The following CDYL2 variants were observed in gnomAD, a reference collection of about 807,000 sequenced individuals.
The protein encoded by CDYL2 is chromodomain Y like 2, also known as chromodomain Y-like protein 2.
A neutral mutation model predicts 49.4 loss-of-function variants in CDYL2; 23 were observed. The observed-to-expected ratio is 0.47, with a 90% CI of 0.34 to 0.66. CDYL2 has a LOEUF of 0.66. Among genes scored for constraint, CDYL2 ranks in the 30% least tolerant of loss-of-function variants. The pLI is 0.01. For missense variants in CDYL2, 678 were observed against 656.4 expected (o/e 1.03, Z -0.36); for synonymous variants, 360 against 268.8 (o/e 1.34, Z -3.32).
intron 1 of CDYL2, among the ~76,000 whole-genome samples, chr16:80,689,122 C>T (rs996858558): frequency 2.0e-5 from 3 of 152,170 alleles, no homozygotes; most frequent in African/African-American, 7.2e-5. Flanking sequence ...GTGTACACAC[C>T]CCCACCAGCT....
In CDYL2 at chr16:80,672,352, C is replaced by CACACAGAGAGAGAG. The variant is rs68130206; in HGVS notation, c.616+12185_616+12186insCTCTCTCTCTGTGT. On this transcript the variant is annotated intron_variant, in intron 2 of 6. Coordinates refer to ENST00000570137, the MANE Select transcript of CDYL2 (RefSeq NM_152342.4). Reference sequence around the variant, plus strand: ...ACACACACACACACACACACACACACAGAGAGAGAGAGAGAGATGAGTAGA... The same window carrying CACACAGAGAGAGAG: ...ACACACACACACACACACACACACACACACAGAGAGAGAGAGAGAGAGAGAGAGAGATGAGTAGA... Among the ~76,000 whole-genome samples the CACACAGAGAGAGAG allele has an allele frequency of 2.4e-3, 281 of 117,818 alleles. 1 individual carries two copies. The highest frequency in any genetic ancestry group is 0.013 in the Middle Eastern group (3 of 238). The allele number at this position is 117,818 out of a possible 152,430, so 77.3% of individuals were successfully genotyped here.
chr16:80,615,318 T>C (rs953300134), intron 4 of CDYL2, among the ~76,000 whole-genome samples: 5 of 152,172 alleles, frequency 3.3e-5, no homozygotes, highest in Admixed American at 3.3e-4. Flanking sequence ...GATATGGACT[T>C]TTTTGGAGAA....
At chr16:80,707,762 C>A (rs1404390469) in intron 1 of CDYL2, among the ~76,000 whole-genome samples, 1 of 152,140 alleles carries the variant, frequency 6.6e-6, no homozygotes, top group Non-Finnish European at 1.5e-5. Flanking sequence ...GAGAGGCAGC[C>A]TCATAAGTGA....
chr16:80,771,567 T>A (rs1437478707), intron 1 of CDYL2, among the ~76,000 whole-genome samples: 1 of 152,080 alleles, frequency 6.6e-6, no homozygotes, highest in African/African-American at 2.4e-5. Context: ...TAGCCAGGTG[T>A]GGTGGTGCGC....
intron 2 of CDYL2, among the ~76,000 whole-genome samples, chr16:80,671,775 C>T (rs1419640618): frequency 2.0e-5 from 3 of 152,180 alleles, no homozygotes; most frequent in Admixed American, 6.5e-5. Context: ...GAAAATTATG[C>T]CTCACTGGTT....
chr16:80,747,880 T>C (rs1905986975), intron 1 of CDYL2, among the ~76,000 whole-genome samples: 1 of 152,098 alleles, frequency 6.6e-6, no homozygotes, highest in Non-Finnish European at 1.5e-5. Flanking sequence ...TGGAAGCCCT[T>C]ATTCACATCT....
At position 80,660,008 on chromosome 16, in the gene CDYL2, G is replaced by C. The variant is rs527838730; in HGVS notation, c.616+24530C>G. Among the ~76,000 whole-genome samples, 7 of 152,018 alleles carry C rather than the reference G, an allele frequency of 4.6e-5. No homozygotes were observed. The East Asian group carries it at 1.2e-3, about 25-fold the overall frequency. On this transcript the variant is annotated intron_variant, in intron 2 of 6. Coordinates refer to ENST00000570137, the MANE Select transcript of CDYL2 (RefSeq NM_152342.4). ...AAAAAGGAATGGCAGACTGAAAACA[G>C]CAATAACAGAGGCTTGAAAAAATGA... is the stretch of plus-strand genomic sequence containing the variant.
chr16:80,708,795 T>G (rs1163513258), intron 1 of CDYL2, among the ~76,000 whole-genome samples: 5 of 152,196 alleles, frequency 3.3e-5, no homozygotes, highest in Non-Finnish European at 7.3e-5. Context: ...AAGCTTATTG[T>G]GTAGTTCAGG....
chr16:80,791,254 G>A (rs1485897670), intron 1 of CDYL2, among the ~76,000 whole-genome samples: 1 of 152,194 alleles, frequency 6.6e-6, no homozygotes. Context: ...GGAAAACTGA[G>A]AGACTGAAAA....
intron 1 of CDYL2, among the ~76,000 whole-genome samples, chr16:80,731,191 A>T (rs1905314630): frequency 6.6e-6 from 1 of 152,164 alleles, no homozygotes; most frequent in African/African-American, 2.4e-5. Context: ...TAAGAACAGG[A>T]TGAAATAAAA....
At chr16:80,766,019 C>T (rs1026153955) in intron 1 of CDYL2, among the ~76,000 whole-genome samples, 1 of 151,720 alleles carries the variant, frequency 6.6e-6, no homozygotes, top group East Asian at 1.9e-4. Flanking sequence ...ATGAAACATC[C>T]AGAATACACA....
At chr16:80,617,524 T>C (rs1264798990) in intron 4 of CDYL2, among the ~76,000 whole-genome samples, 1 of 152,136 alleles carries the variant, frequency 6.6e-6, no homozygotes, top group Admixed American at 6.5e-5. Context: ...CCACAAAACG[T>C]TCTGTGCAGA....
At chr16:80,743,296 TC>T (rs1338131412) in intron 1 of CDYL2, among the ~76,000 whole-genome samples, 1 of 152,206 alleles carries the variant, frequency 6.6e-6, no homozygotes, top group Non-Finnish European at 1.5e-5. Context: ...GAGGGAGCCC[TC>T]AAACCAGAAA....
intron 1 of CDYL2, among the ~76,000 whole-genome samples, chr16:80,740,731 G>GA (rs1179047121): frequency 6.7e-6 from 1 of 149,702 alleles, no homozygotes; most frequent in African/African-American, 2.5e-5. Flanking sequence ...AAATATAGTA[G>GA]AAAAAAAGTC....
chr16:80,713,114 GAC>G (rs1904676591), intron 1 of CDYL2, among the ~76,000 whole-genome samples: 1 of 152,206 alleles, frequency 6.6e-6, no homozygotes, highest in East Asian at 1.9e-4. Flanking sequence ...TGCGTTCCTT[GAC>G]GGTATGGCCC....
At chr16:80,665,173 T>G (rs1237459574) in intron 2 of CDYL2, among the ~76,000 whole-genome samples, 1 of 152,148 alleles carries the variant, frequency 6.6e-6, no homozygotes, top group Non-Finnish European at 1.5e-5. Flanking sequence ...TCTTCTTAAT[T>G]AAAATATAGT....
chr16:80,613,626 A>G (rs1567540345), intron 4 of CDYL2, among the ~76,000 whole-genome samples: 1 of 152,208 alleles, frequency 6.6e-6, no homozygotes, highest in African/African-American at 2.4e-5. Context: ...GCACTGAGCA[A>G]GGCATGTACC....
chr16:80,608,315 G>A (rs534719734), intron 5 of CDYL2, 80 bp from the exon 6 acceptor site: 129 of 1,409,662 alleles, frequency 9.2e-5, no homozygotes, highest in Non-Finnish European at 9.7e-5. Flanking sequence ...CTTGCCACCT[G>A]CAACCATCCC....
chr16:80,720,430 A>G lies in CDYL2; in HGVS notation c.25-35301T>C, dbSNP rs149441221. 3.9e-5 allele frequency among the ~76,000 whole-genome samples: 6 copies of G among 152,332 alleles called. No homozygotes were observed. The East Asian group carries it at 1.2e-3, about 29-fold the overall frequency. ...TGACCAGGTAGAGCAAAAACAACCT[A>G]TTCTCACAAATGCCTCTGACAAACC... On this transcript the variant is annotated intron_variant, in intron 1 of 6. Transcript: ENST00000570137.
Sources: gnomAD v4.1 joint callset for allele counts (sites outside exome capture counted in the v4.1 genomes callset) on GRCh38, gnomAD v4.1.1 for gene constraint, MANE v1.5 for transcripts, NCBI Gene and HGNC (gene_info 2026-07-23, HGNC 2026-07-21) for gene names.